The following LAMC1 variants were observed in gnomAD, a reference collection of about 807,000 sequenced individuals.
The protein encoded by LAMC1 is laminin subunit gamma-1.
LAMC1 carries 38 observed loss-of-function variants against 173.6 expected under a neutral mutation model. The ratio of observed to expected loss-of-function variants is 0.22; its 90% CI spans 0.17 to 0.29. LAMC1 has a LOEUF of 0.29. Ranked by LOEUF, LAMC1 falls within the 10% of genes least tolerant of loss-of-function variation. The pLI, the probability that LAMC1 is intolerant of heterozygous loss-of-function variation, is 1.00. For missense variants in LAMC1, 1,824 were observed against 2,051.8 expected (o/e 0.89, Z 2.14); for synonymous variants, 746 against 749.1 (o/e 1.00, Z 0.07).
chr1:183,066,604 A>G (rs1303952281), intron 1 of LAMC1, among the ~76,000 whole-genome samples: 1 of 152,240 alleles, frequency 6.6e-6, no homozygotes, highest in Non-Finnish European at 1.5e-5. Flanking sequence ...GCACATAAAC[A>G]CCATGGAATA....
intron 1 of LAMC1, among the ~76,000 whole-genome samples, chr1:183,079,151 A>G (rs1655195348): frequency 6.7e-6 from 1 of 149,188 alleles, no homozygotes; most frequent in Non-Finnish European, 1.5e-5. Flanking sequence ...CCATAATTTG[A>G]TAGAACTGTT....
intron 1 of LAMC1, among the ~76,000 whole-genome samples, chr1:183,030,182 T>A (rs988193557): frequency 1.3e-5 from 2 of 152,190 alleles, no homozygotes; most frequent in Non-Finnish European, 2.9e-5. Context: ...TGTGGCTGTT[T>A]TTGCACAATA....
chr1:183,028,153 T>G (rs113497192), intron 1 of LAMC1, among the ~76,000 whole-genome samples: 2 of 53,256 alleles, frequency 3.8e-5, no homozygotes, highest in Non-Finnish European at 1.0e-4. Context: ...AAGGCATTCC[T>G]CCCCCCCCCC....
chr1:183,025,993 G>C (rs184492022), intron 1 of LAMC1, among the ~76,000 whole-genome samples: 7 of 152,176 alleles, frequency 4.6e-5, no homozygotes, highest in Non-Finnish European at 1.0e-4. Flanking sequence ...TATCAGTTAC[G>C]TTAGATTGCT....
intron 1 of LAMC1, among the ~76,000 whole-genome samples, chr1:183,054,179 T>C (rs577434997): frequency 6.6e-6 from 1 of 152,332 alleles, no homozygotes; most frequent in African/African-American, 2.4e-5. Flanking sequence ...ACTTAATAGC[T>C]AACATTTATT....
chr1:183,124,497 A>G, intron 13 of LAMC1, 134 bp from the exon 14 acceptor site: 2 of 1,064,206 alleles, frequency 1.9e-6, no homozygotes, highest in East Asian at 4.8e-5. Flanking sequence ...GCTGCAGCCC[A>G]GGTCCTCTGC....
At chr1:183,101,457 T>C (rs1458432131) in intron 1 of LAMC1, among the ~76,000 whole-genome samples, 28 of 151,260 alleles carry the variant, frequency 1.9e-4, no homozygotes. Context: ...CTAGATAGAA[T>C]ATTCATGTTT....
intron 1 of LAMC1, among the ~76,000 whole-genome samples, chr1:183,103,108 C>T (rs1220090114): frequency 3.3e-5 from 5 of 152,190 alleles, no homozygotes; most frequent in Non-Finnish European, 7.3e-5. Flanking sequence ...CCACAATGCA[C>T]ATCACGACAG....
rs1657084871 is a variant in LAMC1 at position 183,140,522 on chromosome 1, A to G, written c.4573+19A>G. 1.3e-6 allele frequency: 2 copies of G among 1,526,706 alleles called. No individual in the cohort carries two copies. The highest frequency in any genetic ancestry group is 1.4e-5 in the African/African-American group (1 of 73,058). 94.6% of individuals were successfully genotyped at this position (1,526,706 alleles called of 1,614,324 possible). A position where few individuals can be genotyped will look rare whatever the true frequency, so the allele number is the denominator to read the frequency against. On this transcript the variant is annotated intron_variant, in intron 27 of 27. Coordinates refer to ENST00000258341, the MANE Select transcript of LAMC1 (RefSeq NM_002293.4). Reference sequence around the variant, plus strand: ...CAGCTGGGTACGTAGCCATAGAGTCATTTTTGTCAGTCTCTGAATCTTTTG... The same window carrying G: ...CAGCTGGGTACGTAGCCATAGAGTCGTTTTTGTCAGTCTCTGAATCTTTTG...
At chr1:183,041,464 A>G (rs1571403981) in intron 1 of LAMC1, among the ~76,000 whole-genome samples, 1 of 152,184 alleles carries the variant, frequency 6.6e-6, no homozygotes, top group East Asian at 1.9e-4. Flanking sequence ...ACTTGCCTTT[A>G]TGTCATTTGA....
At chr1:183,137,957 T>A in intron 26 of LAMC1, 130 bp downstream of exon 26, 1 of 873,570 alleles carries the variant, frequency 1.1e-6, no homozygotes, top group South Asian at 3.0e-5. Context: ...TCGTCAAGAA[T>A]TGGGTTAGTA....
intron 1 of LAMC1, among the ~76,000 whole-genome samples, chr1:183,070,639 CTT>C (rs2102040206): frequency 6.6e-6 from 1 of 152,128 alleles, no homozygotes; most frequent in South Asian, 2.1e-4. Flanking sequence ...ATTAGGAAAA[CTT>C]TACTCATATT....
chr1:183,109,011 C>T (rs904671039), intron 3 of LAMC1, among the ~76,000 whole-genome samples: 3 of 151,988 alleles, frequency 2.0e-5, no homozygotes, highest in African/African-American at 7.3e-5. Context: ...AGTTTAGAGA[C>T]GGGAGAGTAT....
At chr1:183,056,276 G>T (rs1654593959) in intron 1 of LAMC1, among the ~76,000 whole-genome samples, 1 of 152,202 alleles carries the variant, frequency 6.6e-6, no homozygotes, top group Admixed American at 6.5e-5. Context: ...GGATTGTAAG[G>T]TTTAAATAGA....
intron 1 of LAMC1, among the ~76,000 whole-genome samples, chr1:183,067,170 T>C (rs890121419): frequency 6.6e-6 from 1 of 152,164 alleles, no homozygotes; most frequent in African/African-American, 2.4e-5. Flanking sequence ...AGCTTTAAAG[T>C]AGTCATATTC....
chr1:183,074,173 T>C (rs2102043287), intron 1 of LAMC1, among the ~76,000 whole-genome samples: 1 of 152,366 alleles, frequency 6.6e-6, no homozygotes, highest in South Asian at 2.1e-4. Context: ...CATATGTATC[T>C]TTTACAGACT....
intron 1 of LAMC1, among the ~76,000 whole-genome samples, chr1:183,101,964 A>G (rs1432768192): frequency 6.6e-6 from 1 of 152,164 alleles, no homozygotes; most frequent in Non-Finnish European, 1.5e-5. Flanking sequence ...CATAGCTCGC[A>G]TGGGCTTTCT....
At chr1:183,025,968 G>A (rs760020626) in intron 1 of LAMC1, among the ~76,000 whole-genome samples, 1 of 152,134 alleles carries the variant, frequency 6.6e-6, no homozygotes, top group East Asian at 1.9e-4. Flanking sequence ...AAGATAATGC[G>A]GTAGAGTAAC....
rs772525460 is a variant in LAMC1 at position 183,125,362 on chromosome 1, T to G, written c.2648-35T>G. 6 of 1,607,696 alleles carry G rather than the reference T, an allele frequency of 3.7e-6. No homozygotes were observed. The East Asian group carries it at 8.9e-5, about 24-fold the overall frequency. ...TATTTTAGTATTTCTCTCAGGTGAT[T>G]TGTGTCTTTTGCCATCTCTGTCTTC... On this transcript the variant is annotated intron_variant, in intron 14 of 27. Coordinates refer to ENST00000258341, the MANE Select transcript of LAMC1 (RefSeq NM_002293.4).
Sources: gnomAD v4.1 joint callset for allele counts (sites outside exome capture counted in the v4.1 genomes callset) on GRCh38, gnomAD v4.1.1 for gene constraint, MANE v1.5 for transcripts, NCBI Gene and HGNC (gene_info 2026-07-23, HGNC 2026-07-21) for gene names.